The following HMGN3 variants were observed in gnomAD, a reference collection of about 807,000 sequenced individuals.
HMGN3 encodes high mobility group nucleosome-binding domain-containing protein 3.
In HMGN3, 6 loss-of-function variants were observed where a neutral mutation model predicts 18.8. The observed-to-expected ratio is 0.32, with a 90% CI of 0.18 to 0.63. The LOEUF is 0.63. HMGN3 is among the 30% of genes least tolerant of loss of function. HMGN3 has a pLI of 0.79. For missense variants in HMGN3, 107 were observed against 114.2 expected (o/e 0.94, Z 0.29); for synonymous variants, 40 against 36.5 (o/e 1.10, Z -0.35).
chr6:79,223,654 T>C (rs780833284), intron 1 of HMGN3, among the ~76,000 whole-genome samples: 2 of 152,108 alleles, frequency 1.3e-5, no homozygotes, highest in Admixed American at 1.3e-4. Context: ...TGCACTGCAC[T>C]CTAGCCTGTC....
intron 2 of HMGN3, among the ~76,000 whole-genome samples, chr6:79,209,132 T>C (rs192881422): frequency 7.2e-4 from 110 of 152,330 alleles, no homozygotes; most frequent in African/African-American, 2.5e-3. Flanking sequence ...AACAAACACA[T>C]TTATCTAGTA....
chr6:79,213,143 G>A (rs1776785192), intron 2 of HMGN3, among the ~76,000 whole-genome samples: 1 of 152,078 alleles, frequency 6.6e-6, no homozygotes, highest in Admixed American at 6.5e-5. Context: ...TGGAGGCTGA[G>A]ATGGGAGAAT....
chr6:79,226,646 C>T (rs1050388738), intron 1 of HMGN3, among the ~76,000 whole-genome samples: 2 of 152,010 alleles, frequency 1.3e-5, no homozygotes, highest in African/African-American at 2.4e-5. Context: ...GGAAATAGCT[C>T]GATTTTGATA....
chr6:79,212,043 T>TA (rs369391899), intron 2 of HMGN3, among the ~76,000 whole-genome samples: 1,647 of 143,634 alleles, frequency 0.011, 15 homozygotes, highest in African/African-American at 0.018. Context: ...CTTTTAATTC[T>TA]AAAAAAAAAA....
chr6:79,212,746 CTTAG>C (rs1776761660), intron 2 of HMGN3, among the ~76,000 whole-genome samples: 1 of 152,146 alleles, frequency 6.6e-6, no homozygotes, highest in Non-Finnish European at 1.5e-5. Flanking sequence ...GAGAATCCCC[CTTAG>C]TAACTGTTAT....
chr6:79,225,895 G>T (rs1777542231), intron 1 of HMGN3, among the ~76,000 whole-genome samples: 1 of 152,122 alleles, frequency 6.6e-6, no homozygotes, highest in Non-Finnish European at 1.5e-5. Flanking sequence ...ATGACTTGTT[G>T]GGTAACTTTC....
exon 3 of HMGN3, chr6:79,208,573 T>A: frequency 6.2e-7 from 1 of 1,610,614 alleles, no homozygotes. Context: ...GACCGTCTTG[T>A]GGGCTACAAA....
chr6:79,219,691 ATATTT>A (rs763971919), intron 1 of HMGN3, among the ~76,000 whole-genome samples: 17 of 152,148 alleles, frequency 1.1e-4, no homozygotes, highest in Non-Finnish European at 2.4e-4. Context: ...ACTAATTTTA[ATATTT>A]TATTTAACTG....
chr6:79,223,800 T>C (rs1024559164), intron 1 of HMGN3, among the ~76,000 whole-genome samples: 4 of 151,674 alleles, frequency 2.6e-5, no homozygotes, highest in Non-Finnish European at 4.4e-5. Context: ...AGCACGTGGC[T>C]CAATCAGAAG....
intron 1 of HMGN3, among the ~76,000 whole-genome samples, chr6:79,233,123 A>G (rs1037733048): frequency 7.2e-5 from 11 of 152,306 alleles, no homozygotes; most frequent in Middle Eastern, 3.4e-3. Context: ...ATCTGATTAA[A>G]TCTTTACTAG....
chr6:79,232,769 T>C (rs1249914870), intron 1 of HMGN3, among the ~76,000 whole-genome samples: 6 of 152,068 alleles, frequency 3.9e-5, no homozygotes, highest in African/African-American at 2.4e-5. Flanking sequence ...TAAACAATGG[T>C]TATAATTCCC....
At chr6:79,202,121 G>A in intron 5 of HMGN3, 1 of 1,547,960 alleles carries the variant, frequency 6.5e-7, no homozygotes, top group South Asian at 1.2e-5. Flanking sequence ...GCCTCTGGAG[G>A]TTGAGACATT....
chr6:79,214,853 C>A, intron 2 of HMGN3, 119 bp downstream of exon 2: 1 of 655,680 alleles, frequency 1.5e-6, no homozygotes. Flanking sequence ...CAACCTTGAT[C>A]ATTCATATTA....
chr6:79,234,516 CT>C, intron 1 of HMGN3, 29 bp downstream of exon 1: 1 of 1,607,210 alleles, frequency 6.2e-7, no homozygotes, highest in Non-Finnish European at 8.5e-7. Flanking sequence ...AATTTGAAGG[CT>C]TTTGAAATCT....
At chr6:79,230,611 A>G (rs531081425) in intron 1 of HMGN3, among the ~76,000 whole-genome samples, 23 of 152,302 alleles carry the variant, frequency 1.5e-4, no homozygotes, top group Admixed American at 1.5e-3. Flanking sequence ...TTTCTAGTAA[A>G]ACCAAACATT....
exon 6 of HMGN3, chr6:79,201,709 A>C: frequency 6.2e-7 from 1 of 1,602,898 alleles, no homozygotes; most frequent in Non-Finnish European, 8.5e-7. Flanking sequence ...CGTTATCTAC[A>C]GATTCAGTTT....
chr6:79,202,235 A>C (rs1236668709), intron 5 of HMGN3, 41 bp downstream of exon 5: 1 of 1,613,566 alleles, frequency 6.2e-7, no homozygotes, highest in Non-Finnish European at 8.5e-7. Context: ...ATTTCTTTAA[A>C]GACACTGATT....
chr6:79,230,357 T>C lies in HMGN3; in HGVS notation c.15+4189A>G, dbSNP rs542243526. Among the ~76,000 whole-genome samples, 113 of 152,308 alleles carry C rather than the reference T, an allele frequency of 7.4e-4. 1 individual carries two copies. Among genetic ancestry groups the C allele is most frequent in the Middle Eastern group, 3.4e-3 (1 of 294 alleles). Reference sequence around the variant, plus strand: ...ATGTTACAAAACTGGATTATGACAATGGTTGCGCAACTCTATACTTTACTA... The same window carrying C: ...ATGTTACAAAACTGGATTATGACAACGGTTGCGCAACTCTATACTTTACTA... On this transcript the variant is annotated intron_variant, in intron 1 of 5. Transcript: ENST00000344726.
intron 2 of HMGN3, among the ~76,000 whole-genome samples, chr6:79,209,998 GC>G (rs1240712984): frequency 1.3e-5 from 2 of 152,298 alleles, no homozygotes; most frequent in African/African-American, 4.8e-5. Flanking sequence ...CAGAGTAAAA[GC>G]TTGTACAACT....
Sources: gnomAD v4.1 joint callset for allele counts (sites outside exome capture counted in the v4.1 genomes callset) on GRCh38, gnomAD v4.1.1 for gene constraint, MANE v1.5 for transcripts, NCBI Gene and HGNC (gene_info 2026-07-23, HGNC 2026-07-21) for gene names.